The following CDH8 variants were observed in gnomAD, a reference collection of about 807,000 sequenced individuals.
The protein encoded by CDH8 is cadherin 8.
In CDH8, 17 loss-of-function variants were observed where a neutral mutation model predicts 68.1. The observed-to-expected ratio is 0.25, with a 90% confidence interval of 0.17 to 0.37. CDH8 has a LOEUF of 0.37. Among genes scored for constraint, CDH8 ranks in the 10% least tolerant of loss-of-function variants. The pLI, the probability that CDH8 is intolerant of heterozygous loss-of-function variation, is 1.00. For missense variants in CDH8, 763 were observed against 999.3 expected, an observed-to-expected ratio of 0.76 and a Z score of 3.19; for synonymous variants, 372 against 365.1, an observed-to-expected ratio of 1.02 and a Z score of -0.21.
At chr16:62,025,306 A>C (rs7197093) in intron 1 of CDH8, among the ~76,000 whole-genome samples, 1 of 152,158 alleles carries the variant, frequency 6.6e-6, no homozygotes, top group East Asian at 1.9e-4. Context: ...TACCCATCAA[A>C]TTCATAATAA....
At chr16:61,793,353 C>T (rs1961423000) in intron 7 of CDH8, among the ~76,000 whole-genome samples, 1 of 151,820 alleles carries the variant, frequency 6.6e-6, no homozygotes, top group African/African-American at 2.4e-5. Context: ...ATTATTTCAT[C>T]ACCCAGGTCT....
At chr16:61,680,375 A>C (rs1305914766) in intron 10 of CDH8, among the ~76,000 whole-genome samples, 1 of 151,916 alleles carries the variant, frequency 6.6e-6, no homozygotes, top group Non-Finnish European at 1.5e-5. Flanking sequence ...ATCACCTATG[A>C]TAACATGGAA....
intron 3 of CDH8, among the ~76,000 whole-genome samples, chr16:61,881,891 A>G (rs1963585251): frequency 2.6e-5 from 4 of 152,176 alleles, no homozygotes; most frequent in Non-Finnish European, 2.9e-5. Context: ...GCACATTTCT[A>G]TATTCTCTAA....
intron 8 of CDH8, among the ~76,000 whole-genome samples, chr16:61,766,787 A>G (rs1410783907): frequency 6.6e-6 from 1 of 151,990 alleles, no homozygotes; most frequent in Non-Finnish European, 1.5e-5. Flanking sequence ...CTACTTCAGT[A>G]TCTATTCATC....
At chr16:61,700,513 T>C (rs1382746059) in intron 10 of CDH8, among the ~76,000 whole-genome samples, 2 of 152,098 alleles carry the variant, frequency 1.3e-5, no homozygotes, top group Non-Finnish European at 2.9e-5. Flanking sequence ...TCTCTTAACC[T>C]TGTGATCCCC....
chr16:61,984,540 C>T (rs1385272319), intron 2 of CDH8, among the ~76,000 whole-genome samples: 4 of 151,926 alleles, frequency 2.6e-5, no homozygotes, highest in Non-Finnish European at 5.9e-5. Context: ...ATTCTCCCTC[C>T]TCAGCCTCCA....
intron 3 of CDH8, among the ~76,000 whole-genome samples, chr16:61,883,017 A>G (rs2143141171): frequency 1.3e-5 from 2 of 152,312 alleles, no homozygotes; most frequent in South Asian, 4.1e-4. Flanking sequence ...TCCCTGGGGA[A>G]TTCAGATCAT....
At chr16:61,887,690 G>A (rs1963700228) in intron 3 of CDH8, among the ~76,000 whole-genome samples, 1 of 152,072 alleles carries the variant, frequency 6.6e-6, no homozygotes, top group Non-Finnish European at 1.5e-5. Flanking sequence ...CACAGTCTGA[G>A]ATACTAAGAG....
chr16:61,739,884 C>CATATATATATATATATAT lies in CDH8; in HGVS notation c.1415-12687_1415-12670dup, dbSNP rs35095367. ...AATATAGCATTTGTACAACATATTC[C>CATATATATATATATATAT]ATATATATATATATATATATATATA... On this transcript the variant is annotated intron_variant, in intron 8 of 11. Coordinates refer to ENST00000577390, the MANE Select transcript of CDH8 (RefSeq NM_001796.5). Among the ~76,000 whole-genome samples, 1,001 of 101,108 alleles carry CATATATATATATATATAT rather than the reference C, an allele frequency of 9.9e-3. 11 individuals are homozygous for CATATATATATATATATAT. The highest frequency in any genetic ancestry group is 0.015 in the African/African-American group (380 of 25,478). The allele number at this position is 101,108 out of a possible 152,430, so 66.3% of individuals were successfully genotyped here. A position where few individuals can be genotyped will look rare whatever the true frequency, so the allele number is the denominator to read the frequency against.
intron 2 of CDH8, among the ~76,000 whole-genome samples, chr16:61,993,411 C>G (rs1965760242): frequency 6.7e-6 from 1 of 149,620 alleles, no homozygotes; most frequent in Non-Finnish European, 1.5e-5. Flanking sequence ...CTTCTGCCTC[C>G]CGGGTTCAAG....
At chr16:61,970,406 G>A (rs1209472597) in intron 2 of CDH8, among the ~76,000 whole-genome samples, 2 of 152,038 alleles carry the variant, frequency 1.3e-5, no homozygotes, top group Non-Finnish European at 2.9e-5. Context: ...GTCATTAAAG[G>A]CATAGAAAAA....
chr16:61,898,792 A>G (rs1720073390), intron 3 of CDH8, among the ~76,000 whole-genome samples: 1 of 152,166 alleles, frequency 6.6e-6, no homozygotes, highest in African/African-American at 2.4e-5. Context: ...ATGAGTAAAA[A>G]CAGATTCAAC....
At chr16:61,849,538 C>T (rs1181991004) in intron 4 of CDH8, among the ~76,000 whole-genome samples, 1 of 152,122 alleles carries the variant, frequency 6.6e-6, no homozygotes, top group Admixed American at 6.6e-5. Flanking sequence ...CTTCCCACTT[C>T]ATGAGAGGAC....
intron 4 of CDH8, among the ~76,000 whole-genome samples, chr16:61,849,398 C>G (rs1346191825): frequency 6.6e-6 from 1 of 152,086 alleles, no homozygotes; most frequent in Non-Finnish European, 1.5e-5. Context: ...CTTTGGCTTC[C>G]TCCCAAGTCC....
At chr16:61,939,831 T>C (rs1964684136) in intron 2 of CDH8, among the ~76,000 whole-genome samples, 1 of 152,188 alleles carries the variant, frequency 6.6e-6, no homozygotes, top group Non-Finnish European at 1.5e-5. Flanking sequence ...CTATCTGCCA[T>C]TTCCAGGGAC....
chr16:61,936,620 T>G (rs1964630908), intron 2 of CDH8, among the ~76,000 whole-genome samples: 1 of 152,176 alleles, frequency 6.6e-6, no homozygotes. Context: ...ATCATCCTTC[T>G]GATATCTAAG....
chr16:61,982,227 T>TA (rs1371629962), intron 2 of CDH8, among the ~76,000 whole-genome samples: 2 of 145,968 alleles, frequency 1.4e-5, no homozygotes, highest in Admixed American at 1.4e-4. Flanking sequence ...GGCAATTTTC[T>TA]TTTTTTTTTT....
chr16:61,807,352 T>G (rs1050114359), intron 7 of CDH8, among the ~76,000 whole-genome samples: 1 of 145,538 alleles, frequency 6.9e-6, no homozygotes. Context: ...GGGATAGCAT[T>G]GGGAGATATA....
chr16:61,676,458 G>A (rs181497756), intron 10 of CDH8, among the ~76,000 whole-genome samples: 194 of 152,072 alleles, frequency 1.3e-3, no homozygotes, highest in Non-Finnish European at 2.2e-3. Context: ...AGGAACACAA[G>A]TTTGTTTTTT....
Sources: gnomAD v4.1 joint callset for allele counts (sites outside exome capture counted in the v4.1 genomes callset) on GRCh38, gnomAD v4.1.1 for gene constraint, MANE v1.5 for transcripts, NCBI Gene and HGNC (gene_info 2026-07-23, HGNC 2026-07-21) for gene names.